Variants in PLEKHG3 observed in about 807,000 individuals in gnomAD.
PLEKHG3 encodes pleckstrin homology and RhoGEF domain containing G3.
A neutral mutation model predicts 94.9 loss-of-function variants in PLEKHG3; 62 were observed. That is an observed-to-expected ratio of 0.65 (90% CI 0.53 to 0.81). The LOEUF (loss-of-function observed/expected upper bound fraction) is 0.81, where lower values mean the gene tolerates loss of function less well. Among genes scored for constraint, PLEKHG3 ranks in the 30% least tolerant of loss-of-function variants. The pLI is 0.00. For missense variants in PLEKHG3, 1,461 were observed against 1,619.3 expected (o/e 0.90, Z 1.68); for synonymous variants, 614 against 654.0 (o/e 0.94, Z 0.93).
Position 64,736,848 on chromosome 14 carries a change from C to T in PLEKHG3, c.1346-5C>T. The stretch of plus-strand genomic sequence containing the variant: ...CGCTGACTCTGCTCATGCTTTCCTC[C>T]TCAGAGCCAACCAAACACCTGCTCA... On this transcript the variant is annotated splice_polypyrimidine_tract_variant and splice_region_variant and intron_variant, in intron 12 of 16. Coordinates refer to ENST00000247226, the MANE Select transcript of PLEKHG3 (RefSeq NM_001308147.2). 1 of 1,611,920 alleles carries T rather than the reference C, an allele frequency of 6.2e-7. No homozygotes were observed. Among genetic ancestry groups the T allele is most frequent in the Non-Finnish European group, 8.5e-7 (1 of 1,178,060 alleles).
chr14:64,736,723 A>G (rs548906152), intron 12 of PLEKHG3, 130 bp from the exon 13 acceptor site: 16 of 749,406 alleles, frequency 2.1e-5, no homozygotes, highest in East Asian at 5.0e-5. Flanking sequence ...CCTGGGGCCT[A>G]TGACTGCAGG....
rs1417502762 is a variant in PLEKHG3, at chr14:64,717,714, C to T, written c.-39-9879C>T. ...TCATTCTTTCTAGCTAATGTTCCCT[C>T]GATCTCTCGCTCCTCCTCGAAGCTG... On this transcript the variant is annotated intron_variant, in intron 1 of 16. Coordinates refer to ENST00000247226, the MANE Select transcript of PLEKHG3 (RefSeq NM_001308147.2). This position sits in a 1 kb window ranked among gnomAD's most constrained non-coding sequence, Gnocchi z 4.7. Among the ~76,000 whole-genome samples the T allele has an allele frequency of 1.3e-5, 2 of 152,248 alleles. No individual in the cohort carries two copies. The highest frequency in any genetic ancestry group is 2.4e-5 in the African/African-American group (1 of 41,458).
rs1449418874 is a variant in PLEKHG3, at chr14:64,729,049, C to T, written c.405C>T (p.Val135=). ...DTPGLLKPEQ[V]SALFGNIENI... Reference sequence around the variant, plus strand: ...CCGGGCTGCTGAAGCCAGAACAGGTCAGCGCCCTCTTTGGGAACATAGAAA... The same window carrying T: ...CCGGGCTGCTGAAGCCAGAACAGGTTAGCGCCCTCTTTGGGAACATAGAAA... Residue 135 remains valine, a synonymous_variant, in exon 3 of 17, where the codon GTC becomes GTT. Coordinates refer to ENST00000247226, the MANE Select transcript of PLEKHG3 (RefSeq NM_001308147.2). The T allele has an allele frequency of 6.5e-7, 1 of 1,528,198 alleles. No homozygotes were observed. The highest frequency in any genetic ancestry group is 1.4e-5 in the African/African-American group (1 of 72,886). The allele number at this position is 1,528,198 out of a possible 1,614,324, so 94.7% of individuals were successfully genotyped here.
Position 64,749,781 on chromosome 14 carries a change from T to C in PLEKHG3, c.*6078T>C, listed in dbSNP as rs1448329348. The C allele has an allele frequency of 1.3e-6, 2 of 1,553,350 alleles. No homozygotes were observed. Among genetic ancestry groups the C allele is most frequent in the Non-Finnish European group, 1.8e-6 (2 of 1,137,596 alleles). On this transcript the variant is annotated 3_prime_UTR_variant, in exon 17 of 17. Coordinates refer to ENST00000247226, the MANE Select transcript of PLEKHG3 (RefSeq NM_001308147.2). The surrounding 1 kb of genome is among the most constrained non-coding windows in gnomAD (Gnocchi z 4.7). ...GGCTGGCTCTGATCCCACAATACCC[T>C]GAGCCGAACATCCAGACCCCTCTCA...
At chr14:64,735,652 T>C (rs1566710737) in intron 12 of PLEKHG3, among the ~76,000 whole-genome samples, 1 of 152,172 alleles carries the variant, frequency 6.6e-6, no homozygotes, top group African/African-American at 2.4e-5. Flanking sequence ...GAAATCAATC[T>C]GTTGAACTTG....
At position 64,727,428 on chromosome 14, in the gene PLEKHG3, T is replaced by G. The variant is rs1423492709; in HGVS notation, c.-39-165T>G. Among the ~76,000 whole-genome samples the G allele has an allele frequency of 6.6e-6, 1 of 152,212 alleles. No individual in the cohort carries two copies. Among genetic ancestry groups the G allele is most frequent in the East Asian group, 1.9e-4 (1 of 5,204 alleles). On this transcript the variant is annotated intron_variant, in intron 1 of 16. Coordinates refer to ENST00000247226, the MANE Select transcript of PLEKHG3 (RefSeq NM_001308147.2). The surrounding 1 kb of genome is among the most constrained non-coding windows in gnomAD (Gnocchi z 6.0). ...GGTACATTCATATCATTGTGCAATG[T>G]CATCACTGTCTATCCACAGAACCTT... is the stretch of plus-strand genomic sequence containing the variant.
At chr14:64,708,031 C>T (rs897730657) in intron 1 of PLEKHG3, among the ~76,000 whole-genome samples, 16 of 152,216 alleles carry the variant, frequency 1.1e-4, no homozygotes, top group African/African-American at 3.4e-4. Context: ...AATGTCATTG[C>T]TAAGGACTGT....
At position 64,718,892 on chromosome 14, in the gene PLEKHG3, A is replaced by G. The variant is rs540530568; in HGVS notation, c.-39-8701A>G. On this transcript the variant is annotated intron_variant, in intron 1 of 16. Transcript: ENST00000247226. The surrounding 1 kb of genome is among the most constrained non-coding windows in gnomAD (Gnocchi z 5.0). ...AATCACTTGTGCTTTTGCTCTCTCA[A>G]GTTGCCTTAACTTCTGCTCTTGCTC... Among the ~76,000 whole-genome samples the G allele has an allele frequency of 1.3e-5, 2 of 152,120 alleles. No individual in the cohort carries two copies. The highest frequency in any genetic ancestry group is 3.4e-3 in the Middle Eastern group (1 of 294).
chr14:64,742,934 C>T, intron 16 of PLEKHG3, 48 bp from the exon 17 acceptor site: 1 of 1,605,970 alleles, frequency 6.2e-7, no homozygotes. Flanking sequence ...CCCCTTGCAG[C>T]TCTGCCCTCC....
chr14:64,732,692 C>G lies in PLEKHG3; in HGVS notation c.1247-111C>G. On this transcript the variant is annotated intron_variant, in intron 11 of 16. Transcript: ENST00000247226. This position sits in a 1 kb window ranked among gnomAD's most constrained non-coding sequence, Gnocchi z 4.9. ...AAGATGGAGGGAGCTCTGGAGGCTC[C>G]TGGCCCTGGAGCTGGGTGGGTATAG... The G allele has an allele frequency of 1.2e-6, 1 of 846,130 alleles. No individual in the cohort carries two copies. Among genetic ancestry groups the G allele is most frequent in the Admixed American group, 2.4e-5 (1 of 41,948 alleles). The allele number at this position is 846,130 out of a possible 1,614,324, so 52.4% of individuals were successfully genotyped here. A position where few individuals can be genotyped will look rare whatever the true frequency, so the allele number is the denominator to read the frequency against.
chr14:64,737,120 ATG>A (rs2139391642), intron 13 of PLEKHG3: 1 of 644,768 alleles, frequency 1.6e-6, no homozygotes, highest in African/African-American at 1.8e-5. Flanking sequence ...TCCGGAAACA[ATG>A]AGAGCCGAGC....
chr14:64,738,652 T>C lies in PLEKHG3; in HGVS notation c.1405-90T>C. The stretch of plus-strand genomic sequence containing the variant: ...TGGCTCTCAGCTCAGCCCAGCCCCT[T>C]GGGGCGTGGGAGGCACTGCCCGTGT... On this transcript the variant is annotated intron_variant, in intron 14 of 16. Transcript: ENST00000247226. This position sits in a 1 kb window ranked among gnomAD's most constrained non-coding sequence, Gnocchi z 4.8. 1 of 929,344 alleles carries C rather than the reference T, an allele frequency of 1.1e-6. No homozygotes were observed. The highest frequency in any genetic ancestry group is 1.7e-6 in the Non-Finnish European group (1 of 584,408). The allele number at this position is 929,344 out of a possible 1,614,324, so 57.6% of individuals were successfully genotyped here.
In PLEKHG3 at chr14:64,739,934, CAAAT is replaced by C. The variant is rs375583454; in HGVS notation, c.1518+1082_1518+1085del. ...TTCAGAGCAGAGCAAATTGGGGTGTCAAATAATAATACAATGAGAACCACCCATT... is the reference window on the plus strand; with the variant it reads ...TTCAGAGCAGAGCAAATTGGGGTGTCAATAATACAATGAGAACCACCCATT... On this transcript the variant is annotated intron_variant, in intron 15 of 16. Transcript: ENST00000247226. This position sits in a 1 kb window ranked among gnomAD's most constrained non-coding sequence, Gnocchi z 4.1. Among the ~76,000 whole-genome samples the C allele has an allele frequency of 2.0e-5, 3 of 152,190 alleles. No individual in the cohort carries two copies. The highest frequency in any genetic ancestry group is 4.4e-5 in the Non-Finnish European group (3 of 68,002).
chr14:64,730,813 T>C lies in PLEKHG3; in HGVS notation c.581T>C (p.Leu194Pro), dbSNP rs1362733204. The change falls in exon 6 of 17, where the codon CTG (leucine) becomes CCG (proline). Residue 194 changes from leucine to proline, a missense_variant. Coordinates refer to ENST00000247226, the MANE Select transcript of PLEKHG3 (RefSeq NM_001308147.2). This position sits in a 1 kb window ranked among gnomAD's most constrained non-coding sequence, Gnocchi z 5.4. ...CCCACTCCCAGCTCCGTGGCCGCCC[T>C]GACGGAATGCATGCGGGACAAGCAG... ...CNNYPNSVAA[L>P]TECMRDKQQA... 6.2e-7 allele frequency: 1 copy of C among 1,613,462 alleles called. No individual in the cohort carries two copies. Among genetic ancestry groups the C allele is most frequent in the East Asian group, 2.2e-5 (1 of 44,866 alleles).
rs1165928914 is a variant in PLEKHG3, at chr14:64,722,675, A to C, written c.-39-4918A>C. On this transcript the variant is annotated intron_variant, in intron 1 of 16. Coordinates refer to ENST00000247226, the MANE Select transcript of PLEKHG3 (RefSeq NM_001308147.2). The surrounding 1 kb of genome is among the most constrained non-coding windows in gnomAD (Gnocchi z 4.3). ...CTTCTCATTCTTGAGTGTGGGGTGA[A>C]GGGCAGTGGATGAAATGACGACATC... Among the ~76,000 whole-genome samples the C allele has an allele frequency of 6.6e-6, 1 of 152,100 alleles. No homozygotes were observed. The highest frequency in any genetic ancestry group is 2.4e-5 in the African/African-American group (1 of 41,412).
In PLEKHG3 at chr14:64,731,856, C is replaced by A; in HGVS notation, c.1125+50C>A. ...GCTAGGGAACAAGATGCCCAGGGGA[C>A]ACCTGCGTGGGACTCCTGGCTCCTC... On this transcript the variant is annotated intron_variant, in intron 9 of 16. Transcript: ENST00000247226. This position sits in a 1 kb window ranked among gnomAD's most constrained non-coding sequence, Gnocchi z 6.1. 1 of 1,341,370 alleles carries A rather than the reference C, an allele frequency of 7.5e-7. No homozygotes were observed. Among genetic ancestry groups the A allele is most frequent in the Non-Finnish European group, 1.1e-6 (1 of 935,042 alleles). 83.1% of individuals were successfully genotyped at this position (1,341,370 alleles called of 1,614,324 possible).
At chr14:64,705,153 G>A (rs1004427595) in intron 1 of PLEKHG3, among the ~76,000 whole-genome samples, 1 of 152,168 alleles carries the variant, frequency 6.6e-6, no homozygotes, top group Non-Finnish European at 1.5e-5. Context: ...CCGGGTTGGC[G>A]CCGCACGGTG....
chr14:64,706,486 G>A (rs1435022672), intron 1 of PLEKHG3, among the ~76,000 whole-genome samples: 2 of 152,218 alleles, frequency 1.3e-5, no homozygotes, highest in Non-Finnish European at 2.9e-5. Flanking sequence ...AGGAGCTGTG[G>A]TGAGGATCAA....
In PLEKHG3 at chr14:64,716,143, G is replaced by A; in HGVS notation, c.-40+11439G>A. Reference sequence around the variant, plus strand: ...AGGGGATGGGAATGGGGTGGGATGGGGACTCTTTCAACTCCGGGCCTCTAA... The same window carrying A: ...AGGGGATGGGAATGGGGTGGGATGGAGACTCTTTCAACTCCGGGCCTCTAA... On this transcript the variant is annotated intron_variant, in intron 1 of 16. Coordinates refer to ENST00000247226, the MANE Select transcript of PLEKHG3 (RefSeq NM_001308147.2). This position sits in a 1 kb window ranked among gnomAD's most constrained non-coding sequence, Gnocchi z 5.0. 1 of 439,442 alleles carries A rather than the reference G, an allele frequency of 2.3e-6. No homozygotes were observed. The highest frequency in any genetic ancestry group is 4.6e-6 in the Non-Finnish European group (1 of 217,100). 27.2% of individuals were successfully genotyped at this position (439,442 alleles called of 1,614,324 possible). A position where few individuals can be genotyped will look rare whatever the true frequency, so the allele number is the denominator to read the frequency against.
Sources: allele counts gnomAD v4.1 joint callset (sites outside exome capture counted in the v4.1 genomes callset), GRCh38; gene constraint gnomAD v4.1.1; non-coding constraint Gnocchi (gnomAD v3.1); transcripts MANE v1.5; gene names NCBI Gene and HGNC (gene_info 2026-07-23, HGNC 2026-07-21).